The following RP1 variants were observed in gnomAD, a reference collection of about 807,000 sequenced individuals.
RP1 encodes RP1 axonemal microtubule associated.
Under a neutral mutation model 14.8 loss-of-function variants are expected in RP1, and 16 were observed. The ratio of observed to expected loss-of-function variants is 1.08; its 90% CI spans 0.73 to 1.65. The LOEUF (loss-of-function observed/expected upper bound fraction) is 1.65. Ranked by LOEUF, RP1 falls within the 40% of genes most tolerant of loss-of-function variation. The probability of loss-of-function intolerance (pLI) is 0.00; values close to 1 mark genes in which losing one functional copy is unlikely to be tolerated. For missense variants in RP1, 2,631 were observed against 2,535.0 expected (o/e 1.04, Z -0.81); for synonymous variants, 876 against 883.6 (o/e 0.99, Z 0.15).
chr8:54,673,946 A>G (rs1421576680), intron 8 of RP1: 13 of 1,517,082 alleles, frequency 8.6e-6, no homozygotes, highest in Admixed American at 2.0e-5. Flanking sequence ...TCTTCCACAG[A>G]GAGTTCATGA....
chr8:54,669,545 A>G lies in RP1; in HGVS notation c.1324-4305A>G, dbSNP rs1322398483. The stretch of plus-strand genomic sequence containing the variant: ...TTACTGGGTATATACCCAAAGGATT[A>G]TAAATCATGCTGCTATAAAGACACG... On this transcript the variant is annotated intron_variant, in intron 7 of 22. Transcript: ENST00000636932. Among the ~76,000 whole-genome samples, 3 of 152,356 alleles carry G rather than the reference A, an allele frequency of 2.0e-5. No homozygotes were observed. The East Asian group carries it at 5.8e-4, about 29-fold the overall frequency.
intron 19 of RP1, among the ~76,000 whole-genome samples, chr8:54,752,594 G>T (rs182235723): frequency 5.3e-5 from 8 of 152,244 alleles, no homozygotes; most frequent in Non-Finnish European, 1.0e-4. Flanking sequence ...TTGTGGGTGG[G>T]CAGAGCCTGT....
intron 17 of RP1, among the ~76,000 whole-genome samples, chr8:54,730,396 A>T (rs771984548): frequency 6.6e-6 from 1 of 151,892 alleles, no homozygotes; most frequent in Non-Finnish European, 1.5e-5. Context: ...ATGGTTTTAG[A>T]CTCTTCACCT....
intron 25 of RP1, among the ~76,000 whole-genome samples, chr8:54,849,182 G>A (rs983183930): frequency 6.6e-6 from 1 of 151,980 alleles, no homozygotes; most frequent in Non-Finnish European, 1.5e-5. Context: ...GCCAACACCT[G>A]GAACTCTGAA....
intron 25 of RP1, among the ~76,000 whole-genome samples, chr8:54,848,648 A>C (rs1045111421): frequency 4.6e-5 from 7 of 152,260 alleles, no homozygotes; most frequent in African/African-American, 1.4e-4. Context: ...TATTATAACA[A>C]AGAAACTAAA....
intron 24 of RP1, among the ~76,000 whole-genome samples, chr8:54,797,784 A>G (rs962924200): frequency 2.0e-5 from 3 of 151,760 alleles, no homozygotes; most frequent in Admixed American, 2.0e-4. Flanking sequence ...CTTAACCATT[A>G]ATATGTATAT....
At chr8:54,752,410 C>A (rs1021244147) in intron 19 of RP1, among the ~76,000 whole-genome samples, 1 of 152,220 alleles carries the variant, frequency 6.6e-6, no homozygotes, top group African/African-American at 2.4e-5. Context: ...GGACCACCTC[C>A]TTCCACCATG....
chr8:54,621,724 C>T, intron 2 of RP1, 143 bp downstream of exon 2: 1 of 1,229,376 alleles, frequency 8.1e-7, no homozygotes, highest in Non-Finnish European at 1.2e-6. Flanking sequence ...TGCTCCGATG[C>T]TGCCTTTGTT....
At chr8:54,645,589 G>A (rs915477829) in intron 3 of RP1, among the ~76,000 whole-genome samples, 1 of 152,132 alleles carries the variant, frequency 6.6e-6, no homozygotes, top group Non-Finnish European at 1.5e-5. Context: ...TATAGTTGAT[G>A]TGGTTTTCTA....
Position 54,580,442 on chromosome 8 carries a change from G to C in RP1, c.-13+21122G>C, listed in dbSNP as rs539246979. 5.0e-4 allele frequency among the ~76,000 whole-genome samples: 75 copies of C among 150,426 alleles called. 2 individuals carry two copies. Among genetic ancestry groups the C allele is most frequent in the Middle Eastern group, 3.4e-3 (1 of 290 alleles). On this transcript the variant is annotated intron_variant, in intron 1 of 22. Transcript: ENST00000636932. ...CTGCCCCAGCCTCCAGAGTAGCTGG[G>C]ACTACAGGCGTGCGCCACCACGCCC...
intron 24 of RP1, among the ~76,000 whole-genome samples, chr8:54,825,111 A>C (rs1397726014): frequency 6.6e-6 from 1 of 152,088 alleles, no homozygotes; most frequent in African/African-American, 2.4e-5. Context: ...CTGGGACTAC[A>C]GGCGCCTGCC....
chr8:54,628,695 A>G lies in RP1; in HGVS notation c.4813A>G (p.Lys1605Glu), dbSNP rs375635147. The change falls in exon 4 of 4, where the codon AAA (lysine) becomes GAA (glutamate). Residue 1605 changes from lysine (K) to glutamate (E), a missense_variant. Lys to Glu is a moderately conservative substitution (Grantham distance 56). Coordinates refer to ENST00000220676, the MANE Select transcript of RP1 (RefSeq NM_006269.2). ...TGACAGTGACAGTGAGCAGCCATAT[A>G]AAACATCCAGTGATGATCCCAATGA... Reference protein sequence around the residue: ...RPDSDSEQPYKTSSDDPNDSG... With the variant: ...RPDSDSEQPYETSSDDPNDSG... 3.7e-6 allele frequency: 6 copies of G among 1,613,976 alleles called. No individual in the cohort carries two copies. The African/African-American group carries it at 6.7e-5, about 18-fold the overall frequency.
At chr8:54,845,219 G>C (rs2129405987) in intron 25 of RP1, among the ~76,000 whole-genome samples, 1 of 152,286 alleles carries the variant, frequency 6.6e-6, no homozygotes, top group East Asian at 1.9e-4. Context: ...TGGGGCTGGG[G>C]TTGCAGAGTG....
chr8:54,709,588 T>C (rs779383655), intron 15 of RP1, among the ~76,000 whole-genome samples: 22 of 152,170 alleles, frequency 1.4e-4, no homozygotes, highest in Non-Finnish European at 1.0e-4. Context: ...CCCAGTGAAA[T>C]TGATTGATAA....
At chr8:54,837,550 A>G (rs555621447) in exon 25 of RP1, 1 of 1,231,690 alleles carries the variant, frequency 8.1e-7, no homozygotes. Flanking sequence ...AGACTTGAAA[A>G]TATAGCCACA....
chr8:54,651,933 T>C (rs1389197713), intron 4 of RP1, among the ~76,000 whole-genome samples: 3 of 152,172 alleles, frequency 2.0e-5, no homozygotes, highest in Non-Finnish European at 1.5e-5. Flanking sequence ...TTTTCACTTG[T>C]CTCAAAGTAT....
At chr8:54,813,149 C>A (rs1213650763) in intron 24 of RP1, among the ~76,000 whole-genome samples, 2 of 152,210 alleles carry the variant, frequency 1.3e-5, no homozygotes, top group African/African-American at 2.4e-5. Context: ...TAAATTGTCT[C>A]GAGCAGTTCC....
At chr8:54,591,847 C>T (rs928285697) in intron 1 of RP1, among the ~76,000 whole-genome samples, 1 of 152,112 alleles carries the variant, frequency 6.6e-6, no homozygotes, top group African/African-American at 2.4e-5. Context: ...CTCTTATCAT[C>T]CAGCAGGCCA....
intron 8 of RP1, among the ~76,000 whole-genome samples, chr8:54,674,508 T>TA (rs1807249632): frequency 1.0e-5 from 1 of 100,036 alleles, no homozygotes; most frequent in Non-Finnish European, 2.1e-5. Flanking sequence ...AGAGGACACA[T>TA]ACCAAAAAAA....
Sources: allele counts gnomAD v4.1 joint callset (sites outside exome capture counted in the v4.1 genomes callset), GRCh38; gene constraint gnomAD v4.1.1; transcripts MANE v1.5; gene names NCBI Gene and HGNC (gene_info 2026-07-23, HGNC 2026-07-21).